The following NSUN2 variants were observed in gnomAD, a reference collection of about 807,000 sequenced individuals.
NSUN2 encodes the protein RNA cytosine C(5)-methyltransferase NSUN2.
A neutral mutation model predicts 92.7 loss-of-function variants in NSUN2; 63 were observed. That is an observed-to-expected ratio of 0.68 (90% confidence interval 0.56 to 0.84). NSUN2 has a LOEUF of 0.84. Among genes scored for constraint, NSUN2 ranks in the 40% least tolerant of loss-of-function variants. The pLI is 0.00. For missense variants in NSUN2, 989 were observed against 964.9 expected (o/e 1.02, Z -0.33); for synonymous variants, 356 against 348.3 (o/e 1.02, Z -0.25).
chr5:6,614,160 T>C lies in NSUN2; in HGVS notation c.1022-2362A>G, dbSNP rs1185118405. 3.2e-5 allele frequency among the ~76,000 whole-genome samples: 4 copies of C among 123,278 alleles called. 1 individual carries two copies. Among genetic ancestry groups the C allele is most frequent in the African/African-American group, 1.2e-4 (4 of 32,412 alleles). 80.9% of individuals were successfully genotyped at this position (123,278 alleles called of 152,430 possible). ...ACATATAGACAGACATAAAGCCAAC[T>C]AGAGCCACAAATTTGGTGAAGTCTG... On this transcript the variant is annotated intron_variant, in intron 9 of 18. Transcript: ENST00000264670.
chr5:6,602,416 A>C, intron 18 of NSUN2, 45 bp downstream of exon 18: 1 of 1,588,304 alleles, frequency 6.3e-7, no homozygotes, highest in Non-Finnish European at 8.6e-7. Context: ...ACTGTAGCTA[A>C]TGACAAGGCG....
intron 9 of NSUN2, among the ~76,000 whole-genome samples, chr5:6,613,925 C>T (rs1258064057): frequency 6.6e-6 from 1 of 151,714 alleles, no homozygotes; most frequent in African/African-American, 2.4e-5. Context: ...GGTGAAACCC[C>T]GTCTCTACTA....
At position 6,604,275 on chromosome 5, in the gene NSUN2, C is replaced by A; in HGVS notation, c.1820G>T (p.Gly607Val). Residue 607 changes from glycine (G) to valine (V), a missense_variant and splice_region_variant, in exon 17 of 19, where the codon GGA becomes GTA. This residue lies in a region of NSUN2 where 626 missense variants were observed against 602.3 expected (regional missense o/e 1.04). Coordinates refer to ENST00000264670, the MANE Select transcript of NSUN2 (RefSeq NM_017755.6). Reference sequence around the variant, plus strand: ...AATAAATGGATACAATGTATATATTCCCTGTGTGAATAAAGAGAATGAGAG... The same window carrying A: ...AATAAATGGATACAATGTATATATTACCTGTGTGAATAAAGAGAATGAGAG... ...FDCAFRLAQE[G>V]IYTLYPFINS... 2 of 1,588,428 alleles carry A rather than the reference C, an allele frequency of 1.3e-6. No homozygotes were observed. The highest frequency in any genetic ancestry group is 2.2e-5 in the South Asian group (2 of 89,440).
intron 7 of NSUN2, among the ~76,000 whole-genome samples, chr5:6,619,898 CCT>C (rs1310111233): frequency 1.3e-5 from 2 of 152,184 alleles, no homozygotes; most frequent in Non-Finnish European, 2.9e-5. Flanking sequence ...TGCAACCACC[CCT>C]TTCTGTTCTT....
At chr5:6,604,550 C>T in intron 16 of NSUN2, 55 bp downstream of exon 16, 1 of 1,508,756 alleles carries the variant, frequency 6.6e-7, no homozygotes. Context: ...CCATCTACTC[C>T]CGACTGCTTC....
At chr5:6,612,170 A>G (rs561213601) in intron 9 of NSUN2, among the ~76,000 whole-genome samples, 1 of 152,346 alleles carries the variant, frequency 6.6e-6, no homozygotes, top group African/African-American at 2.4e-5. Context: ...AGTTGTTCCA[A>G]TGACAGGGCA....
chr5:6,631,504 C>T (rs941091659), intron 3 of NSUN2, among the ~76,000 whole-genome samples: 9 of 152,196 alleles, frequency 5.9e-5, no homozygotes, highest in Non-Finnish European at 1.2e-4. Flanking sequence ...AGACTACCTA[C>T]CAGGAGACTG....
intron 3 of NSUN2, among the ~76,000 whole-genome samples, chr5:6,627,248 A>ATTG (rs1303673884): frequency 2.0e-5 from 3 of 152,390 alleles, no homozygotes; most frequent in African/African-American, 7.2e-5. Flanking sequence ...GCGAAATAGT[A>ATTG]GGTTACATGC....
chr5:6,600,777 G>A (rs1006677467), intron 18 of NSUN2, among the ~76,000 whole-genome samples: 2 of 152,148 alleles, frequency 1.3e-5, no homozygotes, highest in Non-Finnish European at 2.9e-5. Context: ...CAGTGTTAGC[G>A]TGATTTCTTC....
At chr5:6,621,813 C>T in intron 6 of NSUN2, 1 of 492,736 alleles carries the variant, frequency 2.0e-6, no homozygotes, top group South Asian at 3.4e-5. Flanking sequence ...AATAAAGCTC[C>T]CCCATGGTAT....
chr5:6,616,942 A>G (rs1737236637), intron 8 of NSUN2, 85 bp from the exon 9 acceptor site: 2 of 1,221,756 alleles, frequency 1.6e-6, no homozygotes, highest in African/African-American at 1.5e-5. Flanking sequence ...TCACATATTC[A>G]TTACAAGCTT....
At position 6,602,520 on chromosome 5, in the gene NSUN2, A is replaced by G; in HGVS notation, c.1958-20T>C. On this transcript the variant is annotated intron_variant, in intron 17 of 18. Transcript: ENST00000264670. Reference sequence around the variant, plus strand: ...CCTTTGCTGGAAAAGAAACAGACACACATTTGCCAGGTTTTCCAGGTAGTG... The same window carrying G: ...CCTTTGCTGGAAAAGAAACAGACACGCATTTGCCAGGTTTTCCAGGTAGTG... 6.2e-7 allele frequency: 1 copy of G among 1,614,168 alleles called. No individual in the cohort carries two copies. The highest frequency in any genetic ancestry group is 1.7e-5 in the Admixed American group (1 of 60,032).
chr5:6,630,608 A>T (rs1054708644), intron 3 of NSUN2, among the ~76,000 whole-genome samples: 1 of 152,218 alleles, frequency 6.6e-6, no homozygotes, highest in Non-Finnish European at 1.5e-5. Flanking sequence ...GCCAGTCAGC[A>T]TTCATTGTGA....
chr5:6,619,931 G>A (rs1737366858), intron 7 of NSUN2, among the ~76,000 whole-genome samples, 175 bp downstream of exon 7: 1 of 152,132 alleles, frequency 6.6e-6, no homozygotes, highest in South Asian at 2.1e-4. Flanking sequence ...CTGCTGTGCT[G>A]CTTCTCATTA....
At chr5:6,618,137 G>T in intron 7 of NSUN2, 113 bp from the exon 8 acceptor site, 1 of 671,674 alleles carries the variant, frequency 1.5e-6, no homozygotes, top group Non-Finnish European at 2.6e-6. Flanking sequence ...ATATCAGTTA[G>T]GAAACAATCT....
chr5:6,606,314 C>T (rs917548883), intron 14 of NSUN2, among the ~76,000 whole-genome samples: 3 of 152,090 alleles, frequency 2.0e-5, no homozygotes, highest in African/African-American at 4.8e-5. Context: ...GACGGAGTCT[C>T]GCTCTGTCGC....
rs150430323 is a variant in NSUN2, at chr5:6,625,935, T to G, written c.360-266A>C. ...TATGCATATTACTGTAAAATTATAA[T>G]GATGAAACGCTCGAGATCAGATGAA... On this transcript the variant is annotated intron_variant, in intron 3 of 18. Transcript: ENST00000264670. 2.6e-4 allele frequency among the ~76,000 whole-genome samples: 40 copies of G among 152,208 alleles called. No individual in the cohort carries two copies. The East Asian group carries it at 7.7e-3, about 29-fold the overall frequency.
At chr5:6,615,196 C>T (rs1300718281) in intron 9 of NSUN2, among the ~76,000 whole-genome samples, 1 of 151,930 alleles carries the variant, frequency 6.6e-6, no homozygotes, top group East Asian at 1.9e-4. Context: ...CTGGGGCCCA[C>T]CCTCAAGTCT....
At chr5:6,623,772 A>G (rs569930403) in intron 4 of NSUN2, among the ~76,000 whole-genome samples, 1 of 152,318 alleles carries the variant, frequency 6.6e-6, no homozygotes, top group South Asian at 2.1e-4. Flanking sequence ...ACTACCTTTC[A>G]AAGAGATGAA....
Sources: gnomAD v4.1 joint callset for allele counts (sites outside exome capture counted in the v4.1 genomes callset) on GRCh38, gnomAD v4.1.1 for gene constraint, gnomAD v4.1.1 regional missense constraint, MANE v1.5 for transcripts, NCBI Gene and HGNC (gene_info 2026-07-23, HGNC 2026-07-21) for gene names.